Variants in AK5 observed in about 807,000 individuals in gnomAD.
AK5 encodes adenylate kinase isoenzyme 5.
In AK5, 27 loss-of-function variants were observed where a neutral mutation model predicts 69.5. That is an observed-to-expected ratio of 0.39 (90% CI 0.29 to 0.54). The LOEUF is 0.54. Ranked by LOEUF, AK5 falls within the 20% of genes least tolerant of loss-of-function variation. The pLI, the probability that AK5 is intolerant of heterozygous loss-of-function variation, is 0.71. For synonymous variants in AK5, 260 were observed against 244.4 expected, an observed-to-expected ratio of 1.06 and a Z score of -0.60; for missense variants, 531 against 700.4, an observed-to-expected ratio of 0.76 and a Z score of 2.73.
At chr1:77,384,521 A>C (rs1365187974) in intron 6 of AK5, among the ~76,000 whole-genome samples, 1 of 152,220 alleles carries the variant, frequency 6.6e-6, no homozygotes, top group East Asian at 1.9e-4. Context: ...AAAGGGACTC[A>C]GAAAAGCTAC....
intron 6 of AK5, among the ~76,000 whole-genome samples, chr1:77,366,746 T>G (rs1030491373): frequency 9.9e-5 from 15 of 152,196 alleles, no homozygotes; most frequent in African/African-American, 3.4e-4. Flanking sequence ...ATTTTCAACT[T>G]GTGGACAATT....
At chr1:77,441,784 A>G (rs991345551) in intron 8 of AK5, among the ~76,000 whole-genome samples, 2 of 152,212 alleles carry the variant, frequency 1.3e-5, no homozygotes, top group Non-Finnish European at 2.9e-5. Context: ...TCACAGAGGC[A>G]GGTGCCCAGA....
At chr1:77,390,561 G>C (rs954246252) in intron 6 of AK5, among the ~76,000 whole-genome samples, 5 of 152,078 alleles carry the variant, frequency 3.3e-5, no homozygotes, top group African/African-American at 1.2e-4. Context: ...CAGACCACTT[G>C]TAATGAGTGA....
At chr1:77,304,542 T>C (rs1328685599) in intron 5 of AK5, among the ~76,000 whole-genome samples, 1 of 151,980 alleles carries the variant, frequency 6.6e-6, no homozygotes, top group Admixed American at 6.6e-5. Context: ...AATAGCTCAG[T>C]TTACAGGCAT....
chr1:77,457,234 T>C (rs941786172), intron 8 of AK5, among the ~76,000 whole-genome samples: 1 of 152,218 alleles, frequency 6.6e-6, no homozygotes. Flanking sequence ...TTGGTGCAGA[T>C]CTTCTTTCAT....
At chr1:77,282,808 C>T (rs1033923355) in intron 1 of AK5, 8 of 992,368 alleles carry the variant, frequency 8.1e-6, no homozygotes, top group Non-Finnish European at 9.6e-6. Context: ...GGGTCGGAAC[C>T]CCTGGGGGAA....
At chr1:77,497,787 G>T (rs546876288) in intron 10 of AK5, among the ~76,000 whole-genome samples, 133 of 152,150 alleles carry the variant, frequency 8.7e-4, no homozygotes, top group African/African-American at 3.2e-3. Flanking sequence ...TCACCATGTT[G>T]CCCAGGCTGG....
intron 6 of AK5, among the ~76,000 whole-genome samples, chr1:77,396,311 A>T (rs184855375): frequency 9.2e-4 from 140 of 152,326 alleles, no homozygotes; most frequent in African/African-American, 3.1e-3. Flanking sequence ...TTCCAGTCTC[A>T]TAATTTTCTT....
chr1:77,423,219 TAAAAAAAAAAATA>T (rs1557581756), intron 8 of AK5, among the ~76,000 whole-genome samples: 2 of 88,708 alleles, frequency 2.3e-5, no homozygotes, highest in Non-Finnish European at 2.2e-5. Flanking sequence ...AGACTCCGTC[TAAAAAAAAAAATA>T]AAAAAAAAAG....
intron 1 of AK5, among the ~76,000 whole-genome samples, chr1:77,284,324 C>A (rs1460524989): frequency 6.6e-6 from 1 of 152,150 alleles, no homozygotes; most frequent in Non-Finnish European, 1.5e-5. Flanking sequence ...GGATTTTGCC[C>A]ACCACAATAT....
chr1:77,478,960 G>A (rs1655105180), intron 8 of AK5, among the ~76,000 whole-genome samples: 1 of 151,776 alleles, frequency 6.6e-6, no homozygotes, highest in South Asian at 2.1e-4. Context: ...ACCTACACAG[G>A]GAAATAAGGT....
At chr1:77,401,864 CAT>C (rs780840918) in intron 6 of AK5, among the ~76,000 whole-genome samples, 72 of 152,240 alleles carry the variant, frequency 4.7e-4, no homozygotes, top group East Asian at 7.7e-4. Flanking sequence ...CAAATTAAAA[CAT>C]GTGTTGTGAA....
chr1:77,429,650 A>T (rs1221370212), intron 8 of AK5, among the ~76,000 whole-genome samples: 1 of 146,984 alleles, frequency 6.8e-6, no homozygotes, highest in Non-Finnish European at 1.5e-5. Flanking sequence ...GTGGTTGGTG[A>T]GGTGAGGAAA....
rs1012044824 is a variant in AK5, at chr1:77,417,529, T to C, written c.983-110T>C. The C allele has an allele frequency of 8.6e-6, 6 of 701,044 alleles. No homozygotes were observed. In the African/African-American group the frequency reaches 8.9e-5, roughly 10 times the overall value. The allele number at this position is 701,044 out of a possible 1,614,324, so 43.4% of individuals were successfully genotyped here. On this transcript the variant is annotated intron_variant, in intron 7 of 13. Transcript: ENST00000354567. ...CAGATGAGAACAGTCTAGAAATGTT[T>C]GTGAATTTAATGTGATATAGGAAAA...
intron 10 of AK5, among the ~76,000 whole-genome samples, chr1:77,513,087 T>G (rs1338169746): frequency 6.6e-6 from 1 of 152,210 alleles, no homozygotes; most frequent in African/African-American, 2.4e-5. Flanking sequence ...GATTGTCAGA[T>G]CACCCATCCC....
intron 13 of AK5, among the ~76,000 whole-genome samples, chr1:77,536,944 A>G (rs1274732309): frequency 6.6e-6 from 1 of 152,164 alleles, no homozygotes. Context: ...CAGTTTTATG[A>G]ATTTGGGAAA....
chr1:77,455,318 G>T (rs11588898), intron 8 of AK5, among the ~76,000 whole-genome samples: 7,272 of 152,274 alleles, frequency 0.048, 234 homozygotes, highest in Middle Eastern at 0.11. Context: ...ATTAGGTCGT[G>T]AGGGCAGAGC....
chr1:77,297,642 T>C lies in AK5; in HGVS notation c.499T>C (p.Leu167=). The C allele has an allele frequency of 1.9e-6, 3 of 1,613,952 alleles. No individual in the cohort carries two copies. Among genetic ancestry groups the C allele is most frequent in the African/African-American group, 2.7e-5 (2 of 75,044 alleles). The change falls in exon 4 of 14, where the codon TTA becomes CTA. Residue 167 remains leucine (L), a synonymous_variant. Coordinates refer to ENST00000354567, the MANE Select transcript of AK5 (RefSeq NM_174858.3). ...CCAATACATTTCTGTGGGAGAATTATTAAGAAAGAAGATCCACAGTACCAG... is the reference window on the plus strand; with the variant it reads ...CCAATACATTTCTGTGGGAGAATTACTAAGAAAGAAGATCCACAGTACCAG... ...GFQYISVGEL[L]RKKIHSTSSN...
chr1:77,372,505 T>C (rs1647138769), intron 6 of AK5, among the ~76,000 whole-genome samples: 1 of 152,196 alleles, frequency 6.6e-6, no homozygotes, highest in Admixed American at 6.5e-5. Flanking sequence ...TTTAATATTC[T>C]GAAAAAGAAG....
Sources: allele counts gnomAD v4.1 joint callset (sites outside exome capture counted in the v4.1 genomes callset), GRCh38; gene constraint gnomAD v4.1.1; transcripts MANE v1.5; gene names NCBI Gene and HGNC (gene_info 2026-07-23, HGNC 2026-07-21).